Variants in PMEPA1 observed in about 807,000 individuals in gnomAD.
PMEPA1 encodes the protein protein TMEPAI.
Under a neutral mutation model 23.0 loss-of-function variants are expected in PMEPA1, and 11 were observed. The observed-to-expected ratio is 0.48, with a 90% CI of 0.30 to 0.79. PMEPA1 has a LOEUF of 0.79. PMEPA1 is among the 30% of genes least tolerant of loss of function. The pLI, the probability that PMEPA1 is intolerant of heterozygous loss-of-function variation, is 0.06. For synonymous variants in PMEPA1, 204 were observed against 166.4 expected (o/e 1.23, Z -1.74); for missense variants, 377 against 390.9 (o/e 0.96, Z 0.30).
chr20:57,648,656 T>C lies in PMEPA1; in HGVS notation c.*3397A>G, dbSNP rs41275652. 0.02 allele frequency: 3,074 copies of C among 152,336 alleles called. 55 individuals are homozygous for C. Among genetic ancestry groups the C allele is most frequent in the Middle Eastern group, 0.037 (11 of 294 alleles). 9.4% of individuals were successfully genotyped at this position (152,336 alleles called of 1,614,324 possible). A position where few individuals can be genotyped will look rare whatever the true frequency, so the allele number is the denominator to read the frequency against. Reference sequence around the variant, plus strand: ...CACGCCAGGAACCAACGTGAAAGCATTGGAATCAGCACAACAGCCATGGAA... The same window carrying C: ...CACGCCAGGAACCAACGTGAAAGCACTGGAATCAGCACAACAGCCATGGAA... On this transcript the variant is annotated 3_prime_UTR_variant, in exon 4 of 4. Coordinates refer to ENST00000341744, the MANE Select transcript of PMEPA1 (RefSeq NM_020182.5).
At chr20:57,689,187 C>G (rs2071842653) in intron 1 of PMEPA1, among the ~76,000 whole-genome samples, 1 of 152,214 alleles carries the variant, frequency 6.6e-6, no homozygotes, top group Admixed American at 6.5e-5. Flanking sequence ...ACTCGCTGGG[C>G]AGGCGGAGGG....
chr20:57,709,189 C>A (rs1056330425), intron 1 of PMEPA1, among the ~76,000 whole-genome samples: 4 of 151,416 alleles, frequency 2.6e-5, no homozygotes, highest in Non-Finnish European at 5.9e-5. Context: ...CCGCCCCAAC[C>A]CTCCCGCGCC....
At chr20:57,667,516 C>T (rs1364468915) in intron 1 of PMEPA1, among the ~76,000 whole-genome samples, 6 of 152,124 alleles carry the variant, frequency 3.9e-5, no homozygotes, top group African/African-American at 1.2e-4. Flanking sequence ...CGGCTCCTGC[C>T]GGCCCCATGG....
chr20:57,667,816 AC>A (rs1159806696), intron 1 of PMEPA1, among the ~76,000 whole-genome samples: 2 of 147,622 alleles, frequency 1.4e-5, no homozygotes, highest in Admixed American at 6.7e-5. Context: ...TCCCCTACCT[AC>A]CCCCACTACA....
intron 1 of PMEPA1, among the ~76,000 whole-genome samples, chr20:57,691,409 G>A (rs1041740288): frequency 3.3e-5 from 5 of 152,150 alleles, no homozygotes; most frequent in East Asian, 1.9e-4. Flanking sequence ...GGAACAGACC[G>A]AGGACCAGTC....
At chr20:57,659,815 A>C in intron 1 of PMEPA1, 118 bp from the exon 2 acceptor site, 3 of 922,002 alleles carry the variant, frequency 3.3e-6, no homozygotes, top group Non-Finnish European at 4.9e-6. Flanking sequence ...ACCCAGACTC[A>C]GGAAAGCCCC....
At chr20:57,701,471 A>G (rs931239054) in intron 1 of PMEPA1, among the ~76,000 whole-genome samples, 1 of 152,200 alleles carries the variant, frequency 6.6e-6, no homozygotes, top group African/African-American at 2.4e-5. Context: ...TAAAGCCATC[A>G]CTGTGAAACC....
Position 57,652,611 on chromosome 20 carries a change from G to A in PMEPA1, c.319-13C>T, listed in dbSNP as rs1215696450. ...CGTAGACCTGCGGCTGGAGGAAGCA[G>A]AGCGGGAGTGAGGGAGGGCGGCTGT... On this transcript the variant is annotated splice_polypyrimidine_tract_variant and intron_variant, in intron 3 of 3. Coordinates refer to ENST00000341744, the MANE Select transcript of PMEPA1 (RefSeq NM_020182.5). This position sits in a 1 kb window ranked among gnomAD's most constrained non-coding sequence, Gnocchi z 6.1. 1 of 1,456,458 alleles carries A rather than the reference G, an allele frequency of 6.9e-7. No individual in the cohort carries two copies. Among genetic ancestry groups the A allele is most frequent in the Non-Finnish European group, 9.0e-7 (1 of 1,106,396 alleles). 90.2% of individuals were successfully genotyped at this position (1,456,458 alleles called of 1,614,324 possible). A position where few individuals can be genotyped will look rare whatever the true frequency, so the allele number is the denominator to read the frequency against.
chr20:57,657,072 C>T (rs942270787), intron 2 of PMEPA1, among the ~76,000 whole-genome samples: 7 of 152,152 alleles, frequency 4.6e-5, no homozygotes, highest in African/African-American at 7.2e-5. Flanking sequence ...GAAGGTGTGA[C>T]GGAATCCTAC....
chr20:57,709,717 C>A lies in PMEPA1; in HGVS notation c.-135G>T. On this transcript the variant is annotated 5_prime_UTR_variant, in exon 1 of 4. Transcript: ENST00000341744. Reference sequence around the variant, plus strand: ...GAGGCGCGCCCCGGCTCGCCGGGCTCGGGTCGCCGCCAAGTTCCCGGGGCG... The same window carrying A: ...GAGGCGCGCCCCGGCTCGCCGGGCTAGGGTCGCCGCCAAGTTCCCGGGGCG... The A allele has an allele frequency of 2.0e-6, 2 of 978,296 alleles. No homozygotes were observed. Among genetic ancestry groups the A allele is most frequent in the Non-Finnish European group, 2.4e-6 (2 of 827,060 alleles). 60.6% of individuals were successfully genotyped at this position (978,296 alleles called of 1,614,324 possible).
At chr20:57,667,943 C>A (rs948532055) in intron 1 of PMEPA1, among the ~76,000 whole-genome samples, 2 of 152,204 alleles carry the variant, frequency 1.3e-5, no homozygotes, top group African/African-American at 4.8e-5. Context: ...ATTTCAAACA[C>A]CCCCGACGGC....
At chr20:57,668,920 C>T (rs1323230916) in intron 1 of PMEPA1, among the ~76,000 whole-genome samples, 1 of 152,202 alleles carries the variant, frequency 6.6e-6, no homozygotes, top group Non-Finnish European at 1.5e-5. Context: ...AAACAGCCCT[C>T]TGCCCTCCAG....
At chr20:57,676,261 T>C (rs2071634793) in intron 1 of PMEPA1, among the ~76,000 whole-genome samples, 2 of 152,186 alleles carry the variant, frequency 1.3e-5, no homozygotes, top group Admixed American at 6.5e-5. Flanking sequence ...TTCTTCACAG[T>C]AAGGCACGAA....
At chr20:57,681,263 CA>C (rs2071708828) in intron 1 of PMEPA1, among the ~76,000 whole-genome samples, 1 of 152,186 alleles carries the variant, frequency 6.6e-6, no homozygotes. Context: ...GAATGAGAAA[CA>C]CCCCTCCATC....
At position 57,650,680 on chromosome 20, in the gene PMEPA1, G is replaced by A. The variant is rs1327051795; in HGVS notation, c.*1373C>T. On this transcript the variant is annotated 3_prime_UTR_variant, in exon 4 of 4. Coordinates refer to ENST00000341744, the MANE Select transcript of PMEPA1 (RefSeq NM_020182.5). ...GAAGAATTCTGCGCCCGAAGCTCGG[G>A]TTGGTGTTTGCTCAACTGCTTTACT... The A allele has an allele frequency of 6.6e-6, 1 of 152,274 alleles. No homozygotes were observed. Among genetic ancestry groups the A allele is most frequent in the Non-Finnish European group, 1.5e-5 (1 of 68,062 alleles). 9.4% of individuals were successfully genotyped at this position (152,274 alleles called of 1,614,324 possible). A position where few individuals can be genotyped will look rare whatever the true frequency, so the allele number is the denominator to read the frequency against.
chr20:57,702,257 A>G (rs1286998336), intron 1 of PMEPA1, among the ~76,000 whole-genome samples: 1 of 152,080 alleles, frequency 6.6e-6, no homozygotes, highest in Non-Finnish European at 1.5e-5. Flanking sequence ...GTGTCTAGTG[A>G]TGTCCCCTAT....
chr20:57,709,536 CCGGCGGCGG>C lies in PMEPA1; in HGVS notation c.38_46del (p.Ala13_Ala15del). ...GCACGTGCAGGAGACATTGGGCTGC[CCGGCGGCGG>C]CGGCGGCGGTGCTGTTGACCCCCAT... On this transcript the variant is annotated inframe_deletion, in exon 1 of 4. Transcript: ENST00000341744. 1 of 1,118,874 alleles carries C rather than the reference CCGGCGGCGG, an allele frequency of 8.9e-7. No homozygotes were observed. Among genetic ancestry groups the C allele is most frequent in the African/African-American group, 1.7e-5 (1 of 59,700 alleles). The allele number at this position is 1,118,874 out of a possible 1,614,324, so 69.3% of individuals were successfully genotyped here.
chr20:57,705,647 CCTTCACAGGGA>C, intron 1 of PMEPA1, among the ~76,000 whole-genome samples: 1 of 152,180 alleles, frequency 6.6e-6, no homozygotes. Flanking sequence ...TGGCCACAGG[CCTTCACAGGGA>C]CGAACGTCTG....
At position 57,652,511 on chromosome 20, in the gene PMEPA1, T is replaced by A. The variant is rs2071259673; in HGVS notation, c.406A>T (p.Thr136Ser). 1.3e-6 allele frequency: 2 copies of A among 1,586,462 alleles called. No homozygotes were observed. Among genetic ancestry groups the A allele is most frequent in the South Asian group, 1.1e-5 (1 of 87,358 alleles). The change falls in exon 4 of 4, where the codon ACC becomes TCC. Residue 136 changes from threonine to serine, a missense_variant. This residue lies in a region of PMEPA1 where 198 missense variants were observed against 196.3 expected (regional missense o/e 1.01). Transcript: ENST00000341744. This position sits in a 1 kb window ranked among gnomAD's most constrained non-coding sequence, Gnocchi z 6.1. ...QRERFHRFQP[T>S]YPYLQHEIDL... The stretch of plus-strand genomic sequence containing the variant: ...ATCTCGTGCTGCAGGTACGGATAGG[T>A]GGGCTGGAAGCGGTGGAAGCGCTCC...
Sources: gnomAD v4.1 joint callset for allele counts (sites outside exome capture counted in the v4.1 genomes callset) on GRCh38, gnomAD v4.1.1 for gene constraint, gnomAD v4.1.1 regional missense constraint, Gnocchi (gnomAD v3.1) non-coding constraint, MANE v1.5 for transcripts, NCBI Gene and HGNC (gene_info 2026-07-23, HGNC 2026-07-21) for gene names.